KANK1: variants seen among roughly 807,000 people sequenced by gnomAD.
KANK1 encodes KN motif and ankyrin repeat domain-containing protein 1.
Under a neutral mutation model 106.2 loss-of-function variants are expected in KANK1, and 109 were observed. That is an observed-to-expected ratio of 1.03 (90% CI 0.88 to 1.20). The LOEUF (loss-of-function observed/expected upper bound fraction) is 1.20, where lower values mean the gene tolerates loss of function less well. KANK1 is among the 50% of genes most tolerant of loss of function. KANK1 has a pLI of 0.00. For missense variants in KANK1, 2,399 were observed against 1,710.7 expected, an observed-to-expected ratio of 1.40 and a Z score of -7.10; for synonymous variants, 873 against 652.2, an observed-to-expected ratio of 1.34 and a Z score of -5.16.
Position 711,893 on chromosome 9 carries a change from C to T in KANK1, c.1127C>T (p.Ala376Val). The T allele has an allele frequency of 6.2e-7, 1 of 1,614,146 alleles. No individual in the cohort carries two copies. Among genetic ancestry groups the T allele is most frequent in the Non-Finnish European group, 8.5e-7 (1 of 1,180,018 alleles). Reference protein sequence around the residue: ...EFRQLTADMQALEQKIQDSSC... With the variant: ...EFRQLTADMQVLEQKIQDSSC... The stretch of plus-strand genomic sequence containing the variant: ...CGGCAACTTACAGCAGACATGCAAG[C>T]CCTGGAGCAGAAGATCCAGGACAGC... The change falls in exon 3 of 12, where the codon GCC becomes GTC. Residue 376 changes from alanine to valine, a missense_variant. Ala to Val is a moderately conservative substitution (Grantham distance 64, BLOSUM62 0). Coordinates refer to ENST00000382297, the MANE Select transcript of KANK1 (RefSeq NM_015158.5).
At chr9:580,929 T>C (rs1235769894) in intron 1 of KANK1, among the ~76,000 whole-genome samples, 1 of 152,192 alleles carries the variant, frequency 6.6e-6, no homozygotes, top group East Asian at 1.9e-4. Flanking sequence ...GGGAGGCAGC[T>C]GAGGCCTGGT....
At chr9:600,284 G>A (rs181219703) in intron 1 of KANK1, among the ~76,000 whole-genome samples, 60 of 151,690 alleles carry the variant, frequency 4.0e-4, no homozygotes, top group Non-Finnish European at 5.3e-4. Flanking sequence ...GGAATCACAC[G>A]CTGTCTGTCT....
chr9:547,702 T>C (rs983252541), intron 1 of KANK1, among the ~76,000 whole-genome samples: 9 of 143,430 alleles, frequency 6.3e-5, no homozygotes, highest in Non-Finnish European at 1.3e-4. Flanking sequence ...TCCTGCATGG[T>C]GGGTACCATT....
At chr9:562,953 ATCT>A (rs1462405521) in intron 1 of KANK1, among the ~76,000 whole-genome samples, 1 of 152,228 alleles carries the variant, frequency 6.6e-6, no homozygotes, top group Non-Finnish European at 1.5e-5. Flanking sequence ...TGTGCTTCTC[ATCT>A]TTGTGGAGTA....
intron 1 of KANK1, among the ~76,000 whole-genome samples, chr9:554,782 G>A (rs991978602): frequency 6.6e-6 from 1 of 152,198 alleles, no homozygotes; most frequent in Non-Finnish European, 1.5e-5. Context: ...ACTAAAAACA[G>A]AATCCTATAA....
At chr9:727,680 A>ATG (rs55997819) in intron 3 of KANK1, among the ~76,000 whole-genome samples, 20,574 of 139,626 alleles carry the variant, frequency 0.15, 1,413 homozygotes, top group Middle Eastern at 0.31. Context: ...ATAACTTTTC[A>ATG]TGTGTGTGTG....
At chr9:488,757 G>A (rs1367512899) in intron 3 of KANK1, among the ~76,000 whole-genome samples, 1 of 152,138 alleles carries the variant, frequency 6.6e-6, no homozygotes, top group Non-Finnish European at 1.5e-5. Context: ...TGCCTGTTAT[G>A]TACAATCTCA....
chr9:714,687 A>G (rs1280243972), intron 3 of KANK1, among the ~76,000 whole-genome samples: 1 of 152,072 alleles, frequency 6.6e-6, no homozygotes, highest in Admixed American at 6.6e-5. Context: ...TGTCTGTCTT[A>G]TTCTTTCTCG....
intron 2 of KANK1, chr9:684,382 T>C (rs924535708): frequency 1.4e-5 from 14 of 985,208 alleles, no homozygotes; most frequent in African/African-American, 1.7e-5. Flanking sequence ...GTACCAACTT[T>C]ATAGGTGCCA....
intron 1 of KANK1, among the ~76,000 whole-genome samples, chr9:588,437 A>G (rs568686403): frequency 2.0e-4 from 31 of 152,218 alleles, no homozygotes; most frequent in Non-Finnish European, 4.0e-4. Context: ...GATAGAATGT[A>G]GCACTCAGGT....
chr9:646,005 A>G (rs1298618242), intron 1 of KANK1, among the ~76,000 whole-genome samples: 5 of 150,938 alleles, frequency 3.3e-5, no homozygotes, highest in African/African-American at 7.5e-5. Flanking sequence ...AGGAATAACA[A>G]GAGGTCTGAG....
intron 1 of KANK1, among the ~76,000 whole-genome samples, chr9:550,843 T>C (rs945272416): frequency 2.0e-5 from 3 of 152,266 alleles, no homozygotes; most frequent in Admixed American, 6.5e-5. Context: ...CTCCGAACTG[T>C]CTATACTTTA....
chr9:713,080 G>C lies in KANK1; in HGVS notation c.2314G>C (p.Val772Leu). Residue 772 changes from valine (V) to leucine (L), a missense_variant, in exon 3 of 12, where the codon GTT becomes CTT. By Grantham distance (32) the Val-to-Leu change is conservative. Coordinates refer to ENST00000382297, the MANE Select transcript of KANK1 (RefSeq NM_015158.5). ...GQININDNYL[V>L]GLKMRTIACG... is the part of the protein sequence containing the mutation. ...GATAAATATTAACGACAACTATCTG[G>C]TTGGTCTCAAAATGAGGACTATAGC... is the stretch of plus-strand genomic sequence containing the variant. 3 of 1,613,720 alleles carry C rather than the reference G, an allele frequency of 1.9e-6. No individual in the cohort carries two copies. In the East Asian group the frequency reaches 6.7e-5, roughly 36 times the overall value.
intron 6 of KANK1, 57 bp downstream of exon 6, chr9:732,674 A>G (rs1454534977): frequency 2.5e-6 from 4 of 1,583,140 alleles, no homozygotes; most frequent in African/African-American, 1.3e-5. Context: ...TACTTTGGCA[A>G]TAGAGTTGGC....
chr9:513,079 A>C (rs950573560), intron 1 of KANK1, among the ~76,000 whole-genome samples: 15 of 152,214 alleles, frequency 9.9e-5, no homozygotes, highest in African/African-American at 3.6e-4. Context: ...CTCTTGTTAA[A>C]ACACTCCAGC....
intron 1 of KANK1, among the ~76,000 whole-genome samples, chr9:509,957 C>A (rs1280548410): frequency 6.6e-6 from 1 of 150,854 alleles, no homozygotes; most frequent in South Asian, 2.1e-4. Context: ...TGTGCCACTG[C>A]ACTCAGCTAA....
intron 2 of KANK1, among the ~76,000 whole-genome samples, chr9:686,118 C>T (rs1818489687): frequency 6.6e-6 from 1 of 152,188 alleles, no homozygotes; most frequent in South Asian, 2.1e-4. Context: ...AAACCCTACT[C>T]ATGTGCATCA....
intron 6 of KANK1, chr9:733,175 G>A (rs952508152): frequency 1.3e-5 from 2 of 152,254 alleles, no homozygotes; most frequent in Non-Finnish European, 2.9e-5. Flanking sequence ...ACTCTGGTTG[G>A]CTGAAATATG....
chr9:643,966 G>T (rs879847699), intron 1 of KANK1, among the ~76,000 whole-genome samples: 1 of 151,126 alleles, frequency 6.6e-6, no homozygotes, highest in Admixed American at 6.6e-5. Context: ...GCCTCCCAAA[G>T]TGCTGGGATT....
Sources: gnomAD v4.1 joint callset for allele counts (sites outside exome capture counted in the v4.1 genomes callset) on GRCh38, gnomAD v4.1.1 for gene constraint, MANE v1.5 for transcripts, NCBI Gene and HGNC (gene_info 2026-07-23, HGNC 2026-07-21) for gene names.